Variants in CYP46A1 observed in about 807,000 individuals in gnomAD.
The protein encoded by CYP46A1 is cytochrome P450 family 46 subfamily A member 1, also known as cholesterol 24-hydroxylase.
CYP46A1 carries 20 observed loss-of-function variants against 63.3 expected under a neutral mutation model. That is an observed-to-expected ratio of 0.32 (90% CI 0.22 to 0.46). The LOEUF (loss-of-function observed/expected upper bound fraction) is 0.46. Ranked by LOEUF, CYP46A1 falls within the 20% of genes least tolerant of loss-of-function variation. The probability of loss-of-function intolerance (pLI) is 1.00; values close to 1 mark genes in which losing one functional copy is unlikely to be tolerated. For synonymous variants in CYP46A1, 268 were observed against 273.6 expected (o/e 0.98, Z 0.20); for missense variants, 445 against 670.8 (o/e 0.66, Z 3.72).
intron 12 of CYP46A1, among the ~76,000 whole-genome samples, chr14:99,723,747 TG>T (rs1363804696): frequency 3.3e-5 from 5 of 152,266 alleles, no homozygotes; most frequent in Non-Finnish European, 5.9e-5. Flanking sequence ...TGCTTTGTCT[TG>T]TTTAAGAAAT....
At position 99,690,940 on chromosome 14, in the gene CYP46A1, G is replaced by C; in HGVS notation, c.120-141G>C. ...ATCCTGTCTTCATTCTTACTGCCTG[G>C]TGTCCCTGAGCCAGTGCTGTAACCT... is the stretch of plus-strand genomic sequence containing the variant. On this transcript the variant is annotated intron_variant, in intron 1 of 14. Coordinates refer to ENST00000261835, the MANE Select transcript of CYP46A1 (RefSeq NM_006668.2). The C allele has an allele frequency of 8.5e-6, 6 of 706,950 alleles. No individual in the cohort carries two copies. In the Middle Eastern group the frequency reaches 1.7e-3, roughly 200 times the overall value. 43.8% of individuals were successfully genotyped at this position (706,950 alleles called of 1,614,324 possible).
chr14:99,724,892 G>A (rs1046750591), intron 12 of CYP46A1, among the ~76,000 whole-genome samples: 3 of 152,222 alleles, frequency 2.0e-5, no homozygotes, highest in Admixed American at 1.3e-4. Flanking sequence ...GGCACCACAC[G>A]TGCACGTGGA....
Position 99,706,681 on chromosome 14 carries a change from A to G in CYP46A1, c.478A>G (p.Lys160Glu), listed in dbSNP as rs75832974. ...LVSLMETFNE[K>E]AEQLVEILEA... ...TAGCTTAATGGAAACATTCAACGAG[A>G]AGGCTGAGCAGCTGGTGGAGATTCT... The change falls in exon 6 of 15, where the codon AAG becomes GAG. Residue 160 changes from lysine (K) to glutamate (E), a missense_variant. Coordinates refer to ENST00000261835, the MANE Select transcript of CYP46A1 (RefSeq NM_006668.2). The G allele has an allele frequency of 1.2e-6, 2 of 1,613,958 alleles. No individual in the cohort carries two copies. The highest frequency in any genetic ancestry group is 1.7e-6 in the Non-Finnish European group (2 of 1,180,008).
Position 99,726,707 on chromosome 14 carries a change from C to G in CYP46A1, c.1483C>G (p.Pro495Ala), listed in dbSNP as rs779999297. ...GCGGCCCCGCGGCTGGCAGCCCGCA[C>G]CCCCACCACCCCCCTGCTGAGGGGG... The part of the protein sequence containing the change: ...TLRPRGWQPA[P>A]PPPPC The change falls in exon 15 of 15, where the codon CCC (proline) becomes GCC (alanine). Residue 495 changes from proline (P) to alanine (A), a missense_variant. Transcript: ENST00000261835. 1 of 1,534,794 alleles carries G rather than the reference C, an allele frequency of 6.5e-7. No individual in the cohort carries two copies. Among genetic ancestry groups the G allele is most frequent in the Middle Eastern group, 2.1e-4 (1 of 4,662 alleles).
intron 3 of CYP46A1, 146 bp downstream of exon 3, chr14:99,692,007 T>C: frequency 2.6e-6 from 2 of 782,396 alleles, no homozygotes. Flanking sequence ...AGGAATGGCA[T>C]CTTTCCCTCT....
At position 99,726,917 on chromosome 14, in the gene CYP46A1, C is replaced by G; in HGVS notation, c.*190C>G. 1.0e-5 allele frequency: 5 copies of G among 479,560 alleles called. No homozygotes were observed. Among genetic ancestry groups the G allele is most frequent in the Non-Finnish European group, 1.8e-5 (5 of 277,116 alleles). The allele number at this position is 479,560 out of a possible 1,614,324, so 29.7% of individuals were successfully genotyped here. On this transcript the variant is annotated 3_prime_UTR_variant, in exon 15 of 15. Coordinates refer to ENST00000261835, the MANE Select transcript of CYP46A1 (RefSeq NM_006668.2). ...TCCCTGTCGCCTGCGGACTCCATGG[C>G]CCTTCCTGGACTGGCCCTTGCCCAA...
At chr14:99,723,310 T>G (rs1038881255) in intron 12 of CYP46A1, among the ~76,000 whole-genome samples, 4 of 152,180 alleles carry the variant, frequency 2.6e-5, no homozygotes, top group Admixed American at 1.3e-4. Flanking sequence ...TTACTATTAT[T>G]TTCATTATTT....
intron 3 of CYP46A1, among the ~76,000 whole-genome samples, 183 bp from the exon 4 acceptor site, chr14:99,699,283 C>T (rs2056610845): frequency 6.6e-6 from 1 of 152,138 alleles, no homozygotes; most frequent in Non-Finnish European, 1.5e-5. Flanking sequence ...GCTGCATTTT[C>T]CCCATCCCCA....
At chr14:99,699,422 C>G in intron 3 of CYP46A1, 44 bp from the exon 4 acceptor site, 1 of 1,580,932 alleles carries the variant, frequency 6.3e-7, no homozygotes. Context: ...CTTGCAGCTA[C>G]TCATGGGTGC....
At chr14:99,707,367 A>C (rs2056687008) in intron 6 of CYP46A1, among the ~76,000 whole-genome samples, 1 of 152,222 alleles carries the variant, frequency 6.6e-6, no homozygotes, top group Non-Finnish European at 1.5e-5. Flanking sequence ...AAGTTTATTG[A>C]GTAGCTACTA....
intron 5 of CYP46A1, among the ~76,000 whole-genome samples, chr14:99,705,601 T>C (rs1047845459): frequency 2.6e-5 from 4 of 152,358 alleles, no homozygotes; most frequent in South Asian, 2.1e-4. Context: ...AGAATACCCA[T>C]GTACTCTTTA....
chr14:99,697,442 C>T (rs755072504), intron 3 of CYP46A1, among the ~76,000 whole-genome samples: 5 of 152,160 alleles, frequency 3.3e-5, no homozygotes, highest in Non-Finnish European at 7.3e-5. Flanking sequence ...CAACTTGGCA[C>T]GTCTGCTGGA....
Position 99,721,272 on chromosome 14 carries a change from T to C in CYP46A1, c.1014T>C (p.Ser338=). The change falls in exon 11 of 15, where the codon TCT becomes TCC. Residue 338 remains serine, a synonymous_variant. Coordinates refer to ENST00000261835, the MANE Select transcript of CYP46A1 (RefSeq NM_006668.2). The part of the protein sequence containing the change: ...LQAEVDEVIG[S]KRYLDFEDLG... ...CCGAGGTGGATGAGGTCATTGGTTC[T>C]AAGAGGTACCTGGATTTCGAGGACC... 6.2e-7 allele frequency: 1 copy of C among 1,614,140 alleles called. No homozygotes were observed. Among genetic ancestry groups the C allele is most frequent in the South Asian group, 1.1e-5 (1 of 91,084 alleles).
chr14:99,717,758 G>T, intron 9 of CYP46A1: 1 of 361,356 alleles, frequency 2.8e-6, no homozygotes, highest in Non-Finnish European at 5.0e-6. Flanking sequence ...TGCATCCTGG[G>T]AAGGCGAGGC....
intron 5 of CYP46A1, among the ~76,000 whole-genome samples, chr14:99,701,008 G>A (rs1430931204): frequency 6.6e-6 from 1 of 152,118 alleles, no homozygotes; most frequent in African/African-American, 2.4e-5. Flanking sequence ...TCACAACAAA[G>A]TTTTAAAAGT....
In CYP46A1 at chr14:99,706,758, C is replaced by T; in HGVS notation, c.555C>T (p.Thr185=). The change falls in exon 6 of 15, where the codon ACC becomes ACT. Residue 185 remains threonine, a synonymous_variant. Coordinates refer to ENST00000261835, the MANE Select transcript of CYP46A1 (RefSeq NM_006668.2). The part of the protein sequence containing the change: ...QTPVSMQDML[T]YTAMDILAKA... ...CAGTGTCCATGCAGGACATGCTGAC[C>T]TACACCGCCATGGACATCCTGGCCA... 6.2e-7 allele frequency: 1 copy of T among 1,613,336 alleles called. No homozygotes were observed. The highest frequency in any genetic ancestry group is 8.5e-7 in the Non-Finnish European group (1 of 1,179,956).
At position 99,684,398 on chromosome 14, in the gene CYP46A1, G is replaced by GCCTGCCCTGC; in HGVS notation, c.-17_-8dup. 2 of 1,427,294 alleles carry GCCTGCCCTGC rather than the reference G, an allele frequency of 1.4e-6. No individual in the cohort carries two copies. The highest frequency in any genetic ancestry group is 1.8e-6 in the Non-Finnish European group (2 of 1,091,322). The allele number at this position is 1,427,294 out of a possible 1,614,324, so 88.4% of individuals were successfully genotyped here. On this transcript the variant is annotated 5_prime_UTR_variant, in exon 1 of 15. Coordinates refer to ENST00000261835, the MANE Select transcript of CYP46A1 (RefSeq NM_006668.2). Reference sequence around the variant, plus strand: ...CGGCGCCCGGCCCGACCCTGGCCTGGCCTGCCCTGCCCCGGAGCCATGAGC... The same window carrying GCCTGCCCTGC: ...CGGCGCCCGGCCCGACCCTGGCCTGGCCTGCCCTGCCCTGCCCTGCCCCGGAGCCATGAGC...
chr14:99,715,750 G>C lies in CYP46A1; in HGVS notation c.694-60G>C. The C allele has an allele frequency of 2.5e-6, 4 of 1,607,836 alleles. No individual in the cohort carries two copies. In the South Asian group the frequency reaches 3.3e-5, roughly 13 times the overall value. On this transcript the variant is annotated intron_variant, in intron 7 of 14. Transcript: ENST00000261835. ...CTAACGTCATTTCGGGGTGGTGGGGGAGAGGGGAGAGGGAACATGCGTGTT... is the reference window on the plus strand; with the variant it reads ...CTAACGTCATTTCGGGGTGGTGGGGCAGAGGGGAGAGGGAACATGCGTGTT...
chr14:99,701,827 T>TG (rs961529312), intron 5 of CYP46A1, among the ~76,000 whole-genome samples: 3 of 152,154 alleles, frequency 2.0e-5, no homozygotes, highest in African/African-American at 7.2e-5. Context: ...CCCAGCACTT[T>TG]GGGGGGCCAA....
Sources: gnomAD v4.1 joint callset for allele counts (sites outside exome capture counted in the v4.1 genomes callset) on GRCh38, gnomAD v4.1.1 for gene constraint, MANE v1.5 for transcripts, NCBI Gene and HGNC (gene_info 2026-07-23, HGNC 2026-07-21) for gene names.